Variants in FGD6 observed in about 807,000 individuals in gnomAD.
The protein encoded by FGD6 is FYVE, RhoGEF and PH domain-containing protein 6.
Under a neutral mutation model 149.4 loss-of-function variants are expected in FGD6, and 90 were observed. That is an observed-to-expected ratio of 0.60 (90% CI 0.51 to 0.72). FGD6 has a LOEUF of 0.72. FGD6 is among the 30% of genes least tolerant of loss of function. The probability of loss-of-function intolerance (pLI) is 0.00; values close to 1 mark genes in which losing one functional copy is unlikely to be tolerated. For synonymous variants in FGD6, 527 were observed against 584.0 expected, an observed-to-expected ratio of 0.90 and a Z score of 1.41; for missense variants, 1,437 against 1,684.8, an observed-to-expected ratio of 0.85 and a Z score of 2.57.
At chr12:95,206,485 G>C (rs1210071968) in intron 2 of FGD6, among the ~76,000 whole-genome samples, 1 of 151,952 alleles carries the variant, frequency 6.6e-6, no homozygotes, top group Non-Finnish European at 1.5e-5. Flanking sequence ...AGGAATTTGA[G>C]ACCAGCCTAG....
intron 3 of FGD6, among the ~76,000 whole-genome samples, chr12:95,158,770 C>T (rs1436598311): frequency 2.0e-5 from 3 of 151,682 alleles, no homozygotes; most frequent in Non-Finnish European, 4.4e-5. Flanking sequence ...GTCTGTAATC[C>T]CAGCACTTTG....
intron 1 of FGD6, among the ~76,000 whole-genome samples, chr12:95,212,719 G>T (rs1349971245): frequency 6.6e-6 from 1 of 152,132 alleles, no homozygotes; most frequent in Non-Finnish European, 1.5e-5. Context: ...ATAGACAGGG[G>T]CTCTGATATT....
At chr12:95,189,219 T>C (rs1565919660) in intron 2 of FGD6, 1 of 152,216 alleles carries the variant, frequency 6.6e-6, no homozygotes, top group Non-Finnish European at 1.5e-5. Context: ...AGATATTTAC[T>C]GGGGCCAAGA....
intron 2 of FGD6, among the ~76,000 whole-genome samples, chr12:95,174,770 T>C (rs376822475): frequency 3.3e-5 from 5 of 151,770 alleles, no homozygotes; most frequent in East Asian, 3.9e-4. Context: ...CTACTAAAAA[T>C]ACAAAATATT....
At chr12:95,174,144 G>A (rs768276573) in intron 2 of FGD6, among the ~76,000 whole-genome samples, 4 of 152,070 alleles carry the variant, frequency 2.6e-5, no homozygotes, top group South Asian at 2.1e-4. Context: ...CTCACTCCCC[G>A]GGGGTAAGTG....
At chr12:95,085,932 G>C in intron 18 of FGD6, 24 bp from the exon 19 acceptor site, 1 of 1,584,912 alleles carries the variant, frequency 6.3e-7, no homozygotes, top group Non-Finnish European at 8.5e-7. Context: ...CCCATACAAA[G>C]TTTAATGGTT....
Position 95,156,391 on chromosome 12 carries a change from A to C in FGD6, c.2587-3398T>G, listed in dbSNP as rs555844026. On this transcript the variant is annotated intron_variant, in intron 3 of 20. Transcript: ENST00000343958. ...CGGCAGTCTTTTATGGTCAAGCTGTAGGGATGAAATAAACCCCAGTCTCCC... is the reference window on the plus strand; with the variant it reads ...CGGCAGTCTTTTATGGTCAAGCTGTCGGGATGAAATAAACCCCAGTCTCCC... Among the ~76,000 whole-genome samples, 56 of 152,292 alleles carry C rather than the reference A, an allele frequency of 3.7e-4. No homozygotes were observed. The South Asian group carries it at 3.7e-3, about 10-fold the overall frequency.
chr12:95,164,148 CA>C (rs1394631163), intron 3 of FGD6, among the ~76,000 whole-genome samples: 1 of 151,678 alleles, frequency 6.6e-6, no homozygotes, highest in Non-Finnish European at 1.5e-5. Context: ...ATAAGTCAAA[CA>C]AATTCCAAAA....
At chr12:95,114,493 C>CACACGT (rs1555217714) in intron 8 of FGD6, among the ~76,000 whole-genome samples, 7,070 of 142,902 alleles carry the variant, frequency 0.049, 358 homozygotes, top group Non-Finnish European at 0.073. Context: ...CACACACACA[C>CACACGT]GTCAGACGTG....
intron 8 of FGD6, among the ~76,000 whole-genome samples, chr12:95,114,514 T>C (rs1878947248): frequency 6.7e-6 from 1 of 150,118 alleles, no homozygotes; most frequent in African/African-American, 2.5e-5. Flanking sequence ...CTGCTAAATA[T>C]CTTATAATGC....
intron 3 of FGD6, among the ~76,000 whole-genome samples, chr12:95,158,976 C>A (rs1020283966): frequency 6.6e-6 from 1 of 152,078 alleles, no homozygotes; most frequent in African/African-American, 2.4e-5. Context: ...CTCTTCATTT[C>A]CAAATAATGT....
chr12:95,188,387 G>C (rs2136292264), intron 2 of FGD6, among the ~76,000 whole-genome samples: 1 of 152,172 alleles, frequency 6.6e-6, no homozygotes, highest in African/African-American at 2.4e-5. Context: ...CCATCCGTGT[G>C]TGTGTGTGTG....
At chr12:95,163,534 G>A (rs1275750601) in intron 3 of FGD6, among the ~76,000 whole-genome samples, 2 of 152,136 alleles carry the variant, frequency 1.3e-5, no homozygotes, top group South Asian at 2.1e-4. Context: ...CACATAGCAC[G>A]CTGCTTGGTC....
Position 95,085,774 on chromosome 12 carries a change from T to G in FGD6, c.4107+6A>C, listed in dbSNP as rs750012128. ...AAATTACTCATCTTTAGATTTCAGA[T>G]CTTACCTCACTTGCAGCATATGTAT... On this transcript the variant is annotated splice_donor_region_variant and intron_variant, in intron 19 of 20. Transcript: ENST00000343958. The G allele has an allele frequency of 1.9e-6, 3 of 1,598,762 alleles. No homozygotes were observed. Among genetic ancestry groups the G allele is most frequent in the Non-Finnish European group, 2.6e-6 (3 of 1,176,202 alleles).
chr12:95,156,496 CCT>C, intron 3 of FGD6, among the ~76,000 whole-genome samples: 1 of 152,286 alleles, frequency 6.6e-6, no homozygotes, highest in East Asian at 1.9e-4. Flanking sequence ...GCTCTCAAAC[CCT>C]GTCTCCTGAT....
intron 14 of FGD6, among the ~76,000 whole-genome samples, chr12:95,096,793 C>T (rs1878244676): frequency 6.6e-6 from 1 of 152,218 alleles, no homozygotes; most frequent in African/African-American, 2.4e-5. Flanking sequence ...TAGTTAAGGA[C>T]TGGACCTCTC....
At chr12:95,153,115 C>A (rs1020992273) in intron 3 of FGD6, 122 bp from the exon 4 acceptor site, 1 of 761,726 alleles carries the variant, frequency 1.3e-6, no homozygotes, top group Admixed American at 2.5e-5. Context: ...ACAGTTCATA[C>A]CATATAACAT....
intron 3 of FGD6, among the ~76,000 whole-genome samples, chr12:95,166,207 C>A (rs975850610): frequency 2.0e-5 from 3 of 152,128 alleles, no homozygotes; most frequent in Admixed American, 2.0e-4. Flanking sequence ...AGCCACCATA[C>A]CCAGCCTGAT....
intron 1 of FGD6, among the ~76,000 whole-genome samples, chr12:95,213,985 G>C (rs529726985): frequency 1.9e-4 from 29 of 152,278 alleles, no homozygotes; most frequent in African/African-American, 7.0e-4. Context: ...TTATAAATGG[G>C]GGAGTTGAAC....
Sources: gnomAD v4.1 joint callset for allele counts (sites outside exome capture counted in the v4.1 genomes callset) on GRCh38, gnomAD v4.1.1 for gene constraint, MANE v1.5 for transcripts, NCBI Gene and HGNC (gene_info 2026-07-23, HGNC 2026-07-21) for gene names.